The following SHC4 variants were observed in gnomAD, a reference collection of about 807,000 sequenced individuals.
SHC4 encodes the protein SHC adaptor protein 4.
Under a neutral mutation model 69.4 loss-of-function variants are expected in SHC4, and 41 were observed. That is an observed-to-expected ratio of 0.59 (90% CI 0.46 to 0.77). The LOEUF (loss-of-function observed/expected upper bound fraction) is 0.77, where lower values mean the gene tolerates loss of function less well. Ranked by LOEUF, SHC4 falls within the 30% of genes least tolerant of loss-of-function variation. The pLI is 0.00. For synonymous variants in SHC4, 318 were observed against 299.3 expected, an observed-to-expected ratio of 1.06 and a Z score of -0.64; for missense variants, 777 against 783.8, an observed-to-expected ratio of 0.99 and a Z score of 0.10.
At chr15:48,854,871 A>G (rs1377721675) in intron 8 of SHC4, among the ~76,000 whole-genome samples, 2 of 152,142 alleles carry the variant, frequency 1.3e-5, no homozygotes, top group African/African-American at 4.8e-5. Context: ...TACTATGCTC[A>G]CTACCTGGCT....
intron 2 of SHC4, among the ~76,000 whole-genome samples, chr15:48,909,177 T>A (rs1444219314): frequency 6.6e-6 from 1 of 152,222 alleles, no homozygotes; most frequent in African/African-American, 2.4e-5. Context: ...TGCCCATCCA[T>A]GAGCATGGGA....
At chr15:48,884,422 A>C in intron 3 of SHC4, 55 bp from the exon 4 acceptor site, 1 of 1,469,782 alleles carries the variant, frequency 6.8e-7, no homozygotes, top group Non-Finnish European at 9.1e-7. Flanking sequence ...GTTACAGAAT[A>C]AATGTTAATG....
intron 2 of SHC4, among the ~76,000 whole-genome samples, chr15:48,916,703 T>C (rs995711624): frequency 3.3e-5 from 5 of 152,152 alleles, no homozygotes; most frequent in Non-Finnish European, 5.9e-5. Flanking sequence ...CACCCATTCT[T>C]TAACAGTTCC....
intron 2 of SHC4, among the ~76,000 whole-genome samples, chr15:48,892,109 C>G (rs1229878455): frequency 6.6e-6 from 1 of 152,044 alleles, no homozygotes; most frequent in African/African-American, 2.4e-5. Context: ...CCCGCCTCGG[C>G]CTCCTAAAGT....
intron 4 of SHC4, among the ~76,000 whole-genome samples, chr15:48,880,378 C>T (rs566034213): frequency 7.9e-5 from 12 of 152,278 alleles, no homozygotes; most frequent in African/African-American, 2.4e-4. Flanking sequence ...CGTGCAGCTA[C>T]GGTCAGATGA....
chr15:48,844,660 T>C (rs1314567173), intron 9 of SHC4, among the ~76,000 whole-genome samples: 1 of 152,190 alleles, frequency 6.6e-6, no homozygotes, highest in Non-Finnish European at 1.5e-5. Flanking sequence ...AAATCTCACC[T>C]TGAATTGTAA....
At chr15:48,860,698 T>C (rs115764899) in intron 6 of SHC4, among the ~76,000 whole-genome samples, 365 of 152,204 alleles carry the variant, frequency 2.4e-3, no homozygotes, top group African/African-American at 8.4e-3. Flanking sequence ...AAAGCTAAAT[T>C]GTACTTCCAG....
chr15:48,865,806 G>T (rs933261779), intron 6 of SHC4, among the ~76,000 whole-genome samples: 1 of 152,142 alleles, frequency 6.6e-6, no homozygotes, highest in Non-Finnish European at 1.5e-5. Flanking sequence ...AGGATCCCCA[G>T]GGGTCCTCTT....
At chr15:48,910,316 T>C (rs1418742562) in intron 2 of SHC4, among the ~76,000 whole-genome samples, 3 of 152,064 alleles carry the variant, frequency 2.0e-5, no homozygotes, top group East Asian at 1.9e-4. Flanking sequence ...GGAATGTATC[T>C]ATCTCTTCTA....
At chr15:48,880,954 A>T (rs1205150368) in intron 4 of SHC4, among the ~76,000 whole-genome samples, 3 of 150,830 alleles carry the variant, frequency 2.0e-5, no homozygotes, top group Non-Finnish European at 2.9e-5. Flanking sequence ...TACCTTACAA[A>T]TTGTGAGGAC....
chr15:48,837,442 C>T (rs1008726943), intron 10 of SHC4, among the ~76,000 whole-genome samples: 5 of 152,166 alleles, frequency 3.3e-5, no homozygotes, highest in African/African-American at 9.6e-5. Context: ...CCTATGGTCT[C>T]ATCACTAAAT....
At chr15:48,858,333 T>A (rs1180898026) in intron 6 of SHC4, among the ~76,000 whole-genome samples, 1 of 152,150 alleles carries the variant, frequency 6.6e-6, no homozygotes, top group East Asian at 1.9e-4. Flanking sequence ...CCACCCCTTT[T>A]CCCTGTCATT....
At chr15:48,873,466 C>G (rs981854359) in intron 4 of SHC4, among the ~76,000 whole-genome samples, 1 of 152,168 alleles carries the variant, frequency 6.6e-6, no homozygotes, top group Non-Finnish European at 1.5e-5. Context: ...AATAGTCGGC[C>G]GGGCGCAGTG....
intron 1 of SHC4, among the ~76,000 whole-genome samples, chr15:48,931,867 CA>C (rs1488411105): frequency 6.6e-6 from 1 of 151,240 alleles, no homozygotes; most frequent in African/African-American, 2.4e-5. Flanking sequence ...TTTCTGTTTG[CA>C]ATAATAAATG....
rs756661245 is a variant in SHC4, at chr15:48,924,869, G to C, written c.656+10C>G. 9.9e-6 allele frequency: 16 copies of C among 1,613,430 alleles called. No homozygotes were observed. Among genetic ancestry groups the C allele is most frequent in the African/African-American group, 1.3e-5 (1 of 74,844 alleles). On this transcript the variant is annotated intron_variant, in intron 2 of 11. Transcript: ENST00000332408. ...ACTCCTCAAAGCCCCTCCCATTTTT[G>C]GCTTCTTACCTTGTAACTTGGGTTC... is the stretch of plus-strand genomic sequence containing the variant.
intron 9 of SHC4, 39 bp from the exon 10 acceptor site, chr15:48,843,627 C>A: frequency 6.4e-7 from 1 of 1,550,878 alleles, no homozygotes; most frequent in South Asian, 1.2e-5. Flanking sequence ...TATGTTTTTT[C>A]TTTGTAAATA....
chr15:48,869,108 G>A (rs1033050681), intron 5 of SHC4, among the ~76,000 whole-genome samples: 1 of 152,138 alleles, frequency 6.6e-6, no homozygotes, highest in Non-Finnish European at 1.5e-5. Flanking sequence ...GTAAACATTT[G>A]GGAGAATTTA....
chr15:48,933,322 T>C (rs1352947154), intron 1 of SHC4, among the ~76,000 whole-genome samples: 1 of 152,180 alleles, frequency 6.6e-6, no homozygotes, highest in East Asian at 1.9e-4. Flanking sequence ...AATAATTTCA[T>C]TTGCAATATG....
intron 1 of SHC4, among the ~76,000 whole-genome samples, chr15:48,928,492 A>G (rs1471199334): frequency 1.3e-5 from 2 of 152,204 alleles, no homozygotes; most frequent in Non-Finnish European, 2.9e-5. Context: ...AAGGACACCC[A>G]AGGCTGATCA....
Sources: gnomAD v4.1 joint callset for allele counts (sites outside exome capture counted in the v4.1 genomes callset) on GRCh38, gnomAD v4.1.1 for gene constraint, MANE v1.5 for transcripts, NCBI Gene and HGNC (gene_info 2026-07-23, HGNC 2026-07-21) for gene names.